The following SLC35D1 variants were observed in gnomAD, a reference collection of about 807,000 sequenced individuals.
SLC35D1 encodes the protein nucleotide sugar transporter SLC35D1.
In SLC35D1, 31 loss-of-function variants were observed where a neutral mutation model predicts 46.7. The observed-to-expected ratio is 0.66, with a 90% CI of 0.50 to 0.90. The LOEUF is 0.90. Among genes scored for constraint, SLC35D1 ranks in the 40% least tolerant of loss-of-function variants. The pLI is 0.00. For synonymous variants in SLC35D1, 195 were observed against 164.6 expected, an observed-to-expected ratio of 1.18 and a Z score of -1.41; for missense variants, 397 against 426.2, an observed-to-expected ratio of 0.93 and a Z score of 0.60.
the SLC35D1 span, among the ~76,000 whole-genome samples, chr1:66,992,692 A>C: frequency 1.3e-5 from 2 of 152,214 alleles, no homozygotes; most frequent in African/African-American, 4.8e-5. Context: ...AAAGTAGGAT[A>C]CTATTAGCTA....
chr1:67,014,871 G>A (rs940079801), intron 10 of SLC35D1, among the ~76,000 whole-genome samples: 9 of 150,920 alleles, frequency 6.0e-5, no homozygotes, highest in Admixed American at 5.9e-4. Flanking sequence ...CAACACCCAG[G>A]CCCTGTCCTC....
At chr1:67,014,759 T>A (rs532777833) in intron 10 of SLC35D1, among the ~76,000 whole-genome samples, 2 of 145,550 alleles carry the variant, frequency 1.4e-5, no homozygotes, top group African/African-American at 5.1e-5. Context: ...ACAGAACTGT[T>A]ACTTCTATAA....
chr1:67,013,223 T>TA (rs1667612899), intron 10 of SLC35D1, among the ~76,000 whole-genome samples: 1 of 142,992 alleles, frequency 7.0e-6, no homozygotes, highest in Non-Finnish European at 1.5e-5. Flanking sequence ...ATTATGTTTT[T>TA]AAAATTAGAC....
At chr1:67,015,698 T>C (rs1050225575) in intron 10 of SLC35D1, among the ~76,000 whole-genome samples, 2 of 152,196 alleles carry the variant, frequency 1.3e-5, no homozygotes, top group Non-Finnish European at 2.9e-5. Context: ...CAGTTTTCTC[T>C]TTCAAACAAA....
chr1:66,978,237 C>T, the SLC35D1 span, among the ~76,000 whole-genome samples: 2 of 150,970 alleles, frequency 1.3e-5, no homozygotes, highest in Admixed American at 1.3e-4. Context: ...TTTATTTGAT[C>T]TTGCTCTTCA....
At chr1:67,036,207 A>C (rs1044436661) in intron 8 of SLC35D1, among the ~76,000 whole-genome samples, 2 of 152,174 alleles carry the variant, frequency 1.3e-5, no homozygotes, top group African/African-American at 4.8e-5. Flanking sequence ...TTTGGTCTAC[A>C]GTGCAGATTA....
At chr1:66,979,883 G>A in the SLC35D1 span, among the ~76,000 whole-genome samples, 4 of 151,608 alleles carry the variant, frequency 2.6e-5, no homozygotes, top group African/African-American at 7.3e-5. Flanking sequence ...TACTGCCGCC[G>A]CCTCCCGAGT....
At chr1:67,052,160 T>A in intron 3 of SLC35D1, 81 bp from the exon 4 acceptor site, 1 of 1,032,694 alleles carries the variant, frequency 9.7e-7, no homozygotes, top group Non-Finnish European at 1.5e-6. Flanking sequence ...AACAATTTTG[T>A]TTATATGATC....
intron 1 of SLC35D1, 107 bp downstream of exon 1, chr1:67,053,703 CT>C: frequency 8.8e-7 from 1 of 1,135,176 alleles, no homozygotes. Flanking sequence ...TCCCGCCCAA[CT>C]TTGTTCGGCT....
At chr1:67,026,272 G>A (rs1301426084) in intron 8 of SLC35D1, among the ~76,000 whole-genome samples, 2 of 152,176 alleles carry the variant, frequency 1.3e-5, no homozygotes, top group Admixed American at 1.3e-4. Context: ...ATTTAGGATA[G>A]TTCTACTATA....
At chr1:67,050,246 C>G (rs754625835) in intron 5 of SLC35D1, among the ~76,000 whole-genome samples, 187 bp downstream of exon 5, 6 of 152,120 alleles carry the variant, frequency 3.9e-5, no homozygotes, top group Admixed American at 6.5e-5. Context: ...ATAAGATTTT[C>G]AACTCTAATT....
chr1:66,991,447 T>A, the SLC35D1 span, among the ~76,000 whole-genome samples: 2 of 152,190 alleles, frequency 1.3e-5, no homozygotes, highest in African/African-American at 4.8e-5. Flanking sequence ...ACTAGCAGTA[T>A]CAGAGCCCTT....
intron 8 of SLC35D1, among the ~76,000 whole-genome samples, chr1:67,037,427 T>G (rs542255143): frequency 2.6e-5 from 4 of 152,262 alleles, no homozygotes; most frequent in African/African-American, 9.6e-5. Context: ...CATCCAGGGA[T>G]GCAATCAGAT....
At chr1:66,995,184 C>A (rs186497866), downstream of SLC35D1, among the ~76,000 whole-genome samples, 1 of 152,106 alleles carries the variant, frequency 6.6e-6, no homozygotes. Context: ...CAAATCTCAT[C>A]TGTAGTAGTT....
the SLC35D1 span, among the ~76,000 whole-genome samples, chr1:66,982,516 T>C: frequency 7.2e-5 from 11 of 152,240 alleles, no homozygotes; most frequent in African/African-American, 1.2e-4. Flanking sequence ...CAGAGATCAC[T>C]GTGCTGATCA....
At chr1:67,020,785 T>C (rs1331873413) in intron 9 of SLC35D1, among the ~76,000 whole-genome samples, 1 of 152,182 alleles carries the variant, frequency 6.6e-6, no homozygotes, top group Non-Finnish European at 1.5e-5. Context: ...TAAAATGCAG[T>C]TGTGCACCTT....
At chr1:66,984,933 A>C in the SLC35D1 span, 15 of 1,532,148 alleles carry the variant, frequency 9.8e-6, no homozygotes, top group African/African-American at 2.1e-4. Flanking sequence ...TTTGGAGTAA[A>C]TTCTGGTGTG....
At chr1:67,010,172 T>G (rs113326172) in intron 10 of SLC35D1, among the ~76,000 whole-genome samples, 10 of 152,100 alleles carry the variant, frequency 6.6e-5, no homozygotes, top group African/African-American at 2.4e-4. Flanking sequence ...CAATAGACAC[T>G]GAGGGCTGCT....
At chr1:67,031,684 T>C (rs1464873917) in intron 8 of SLC35D1, among the ~76,000 whole-genome samples, 3 of 152,170 alleles carry the variant, frequency 2.0e-5, no homozygotes, top group Admixed American at 1.3e-4. Flanking sequence ...GTGGCCATCA[T>C]AGTTATTTAA....
Sources: gnomAD v4.1 joint callset for allele counts (sites outside exome capture counted in the v4.1 genomes callset) on GRCh38, gnomAD v4.1.1 for gene constraint, MANE v1.5 for transcripts, NCBI Gene and HGNC (gene_info 2026-07-23, HGNC 2026-07-21) for gene names.